The following UST variants were observed in gnomAD, a reference collection of about 807,000 sequenced individuals.
UST encodes chondroitin sulfate 2-O-sulfotransferase.
A neutral mutation model predicts 45.6 loss-of-function variants in UST; 21 were observed. The observed-to-expected ratio is 0.46, with a 90% CI of 0.33 to 0.66. The LOEUF (loss-of-function observed/expected upper bound fraction) is 0.66. UST is among the 30% of genes least tolerant of loss of function. UST has a pLI of 0.02. For synonymous variants in UST, 215 were observed against 200.6 expected (o/e 1.07, Z -0.61); for missense variants, 463 against 512.4 (o/e 0.90, Z 0.93).
chr6:148,842,903 G>A (rs2114775273), intron 1 of UST, among the ~76,000 whole-genome samples: 1 of 152,244 alleles, frequency 6.6e-6, no homozygotes, highest in Admixed American at 6.5e-5. Context: ...ACTCTGTGTG[G>A]TTCTGGGAGC....
At chr6:148,856,806 GGAT>G (rs1778213744) in intron 1 of UST, among the ~76,000 whole-genome samples, 1 of 152,008 alleles carries the variant, frequency 6.6e-6, no homozygotes, top group Admixed American at 6.6e-5. Flanking sequence ...TGGAGAATTG[GGAT>G]CTAAACTGTT....
chr6:148,878,976 C>T (rs1320941589), intron 1 of UST, among the ~76,000 whole-genome samples: 2 of 151,992 alleles, frequency 1.3e-5, no homozygotes, highest in African/African-American at 4.8e-5. Flanking sequence ...CTCTTTTTAC[C>T]CATAAAACAA....
chr6:148,951,058 A>T (rs1411444599), intron 3 of UST, among the ~76,000 whole-genome samples: 1 of 152,186 alleles, frequency 6.6e-6, no homozygotes, highest in African/African-American at 2.4e-5. Context: ...TGAAAGAGGG[A>T]ACTTAAACTG....
At chr6:149,017,183 G>A (rs553112932) in intron 5 of UST, among the ~76,000 whole-genome samples, 1 of 152,118 alleles carries the variant, frequency 6.6e-6, no homozygotes, top group East Asian at 1.9e-4. Flanking sequence ...GGAGACTATC[G>A]TGGCTAACAC....
intron 2 of UST, among the ~76,000 whole-genome samples, chr6:148,901,798 G>A (rs1357388641): frequency 1.3e-5 from 2 of 151,994 alleles, no homozygotes; most frequent in Admixed American, 6.5e-5. Flanking sequence ...ACCTCAAGTG[G>A]TCCACCCGCC....
At chr6:149,016,084 G>A (rs532490265) in intron 5 of UST, among the ~76,000 whole-genome samples, 3 of 152,226 alleles carry the variant, frequency 2.0e-5, no homozygotes, top group South Asian at 2.1e-4. Flanking sequence ...TGGATCTTCC[G>A]GTCCAGTCAT....
chr6:148,903,889 A>C (rs565192745), intron 2 of UST, among the ~76,000 whole-genome samples: 3 of 152,228 alleles, frequency 2.0e-5, no homozygotes, highest in African/African-American at 7.2e-5. Context: ...ACAGAATATA[A>C]CAGTGTCTTG....
intron 5 of UST, chr6:149,005,625 C>G: frequency 1.0e-6 from 1 of 984,314 alleles, no homozygotes; most frequent in African/African-American, 1.7e-5. Context: ...CTCCCTCTCT[C>G]CACCACCATT....
At chr6:148,760,994 C>T (rs547528718) in intron 1 of UST, among the ~76,000 whole-genome samples, 3 of 152,308 alleles carry the variant, frequency 2.0e-5, no homozygotes, top group African/African-American at 7.2e-5. Flanking sequence ...TTTTCCAGTT[C>T]CCTCAGTGAG....
intron 3 of UST, among the ~76,000 whole-genome samples, chr6:148,946,740 G>T (rs1780246424): frequency 7.1e-6 from 1 of 140,264 alleles, no homozygotes; most frequent in Non-Finnish European, 1.5e-5. Flanking sequence ...CCTGAACCTG[G>T]GAGGTGGAGC....
chr6:148,949,237 G>T (rs1168825400), intron 3 of UST, among the ~76,000 whole-genome samples: 1 of 151,488 alleles, frequency 6.6e-6, no homozygotes, highest in Non-Finnish European at 1.5e-5. Flanking sequence ...GTTGCAGTGA[G>T]CCAAGATTGC....
At chr6:148,922,757 G>A (rs1779737404) in intron 2 of UST, among the ~76,000 whole-genome samples, 1 of 151,024 alleles carries the variant, frequency 6.6e-6, no homozygotes, top group Admixed American at 6.6e-5. Flanking sequence ...ACAGGCATGA[G>A]CCACCATACC....
chr6:148,909,410 G>T (rs1206186101), intron 2 of UST, among the ~76,000 whole-genome samples: 1 of 152,116 alleles, frequency 6.6e-6, no homozygotes, highest in Non-Finnish European at 1.5e-5. Flanking sequence ...TCCTTTTAAT[G>T]GTGGTAATGG....
intron 7 of UST, among the ~76,000 whole-genome samples, chr6:149,071,211 C>T (rs924082680): frequency 6.6e-6 from 1 of 152,206 alleles, no homozygotes; most frequent in Non-Finnish European, 1.5e-5. Context: ...CACTACCCTT[C>T]TTAGCCTCTA....
chr6:148,852,325 C>A (rs1241861594), intron 1 of UST, among the ~76,000 whole-genome samples: 2 of 152,184 alleles, frequency 1.3e-5, no homozygotes, highest in Admixed American at 1.3e-4. Context: ...TTGCGTTTGG[C>A]TAAATGCTAA....
At chr6:148,778,293 C>T (rs1287228854) in intron 1 of UST, among the ~76,000 whole-genome samples, 5 of 142,238 alleles carry the variant, frequency 3.5e-5, no homozygotes, top group African/African-American at 1.0e-4. Context: ...TGTTAAGCTT[C>T]TTTGTTTTCT....
At chr6:148,959,987 G>A (rs1055686196) in intron 4 of UST, among the ~76,000 whole-genome samples, 1 of 151,920 alleles carries the variant, frequency 6.6e-6, no homozygotes, top group Admixed American at 6.6e-5. Context: ...TCCAGCAAAG[G>A]GCCCTTTAAC....
At chr6:148,935,786 C>T (rs1459650736) in intron 2 of UST, among the ~76,000 whole-genome samples, 2 of 152,188 alleles carry the variant, frequency 1.3e-5, no homozygotes, top group African/African-American at 4.8e-5. Context: ...CCACCTTCTT[C>T]TCCAATTAGC....
intron 5 of UST, among the ~76,000 whole-genome samples, chr6:149,006,337 T>C (rs1001867529): frequency 4.6e-5 from 7 of 152,128 alleles, no homozygotes; most frequent in Non-Finnish European, 8.8e-5. Context: ...ACATGTAGTG[T>C]TTGGTTTTCT....
Sources: gnomAD v4.1 joint callset for allele counts (sites outside exome capture counted in the v4.1 genomes callset) on GRCh38, gnomAD v4.1.1 for gene constraint, MANE v1.5 for transcripts, NCBI Gene and HGNC (gene_info 2026-07-23, HGNC 2026-07-21) for gene names.